The following NEBL variants were observed in gnomAD, a reference collection of about 807,000 sequenced individuals.
The protein encoded by NEBL is LIM and SH3 protein 2.
NEBL carries 122 observed loss-of-function variants against 140.2 expected under a neutral mutation model. The ratio of observed to expected loss-of-function variants is 0.87; its 90% CI spans 0.75 to 1.01. The LOEUF (loss-of-function observed/expected upper bound fraction) is 1.01, where lower values mean the gene tolerates loss of function less well. NEBL is among the 50% of genes least tolerant of loss of function. The pLI is 0.00. For missense variants in NEBL, 1,365 were observed against 1,231.3 expected, an observed-to-expected ratio of 1.11 and a Z score of -1.62; for synonymous variants, 436 against 398.9, an observed-to-expected ratio of 1.09 and a Z score of -1.11.
upstream of NEBL, among the ~76,000 whole-genome samples, chr10:20,902,011 T>C (rs1358129651): frequency 6.6e-6 from 1 of 152,208 alleles, no homozygotes; most frequent in Non-Finnish European, 1.5e-5. Context: ...ACATATTTTC[T>C]CCTTTTTAAT....
chr10:20,814,238 TA>T (rs980229253), intron 22 of NEBL, among the ~76,000 whole-genome samples, 195 bp from the exon 23 acceptor site: 41 of 152,218 alleles, frequency 2.7e-4, no homozygotes, highest in African/African-American at 9.9e-4. Flanking sequence ...CGCCTACTGC[TA>T]AATGACCTAA....
chr10:20,923,686 A>G (rs1269867021), intron 4 of NEBL, among the ~76,000 whole-genome samples: 11 of 147,858 alleles, frequency 7.4e-5, no homozygotes, highest in Admixed American at 7.4e-4. Flanking sequence ...AAAAAAAAAA[A>G]AAAAAAAAAA....
At chr10:21,284,365 G>A (rs949806190) in intron 1 of NEBL, among the ~76,000 whole-genome samples, 13 of 152,058 alleles carry the variant, frequency 8.5e-5, no homozygotes, top group African/African-American at 2.4e-4. Flanking sequence ...CCTGATCACC[G>A]TCCCAACTTG....
intron 2 of NEBL, among the ~76,000 whole-genome samples, chr10:21,067,110 C>A (rs12572902): frequency 1.3e-5 from 2 of 150,850 alleles, no homozygotes; most frequent in African/African-American, 4.9e-5. Context: ...GTAGCTGGGA[C>A]TACAGGCGCC....
At chr10:21,249,709 C>A (rs755141094) in intron 2 of NEBL, among the ~76,000 whole-genome samples, 1 of 149,984 alleles carries the variant, frequency 6.7e-6, no homozygotes, top group African/African-American at 2.5e-5. Flanking sequence ...CTTTAAAAAG[C>A]TCTTTAAGTG....
chr10:21,079,554 G>C (rs1012890576), intron 2 of NEBL, among the ~76,000 whole-genome samples: 1 of 152,132 alleles, frequency 6.6e-6, no homozygotes, highest in African/African-American at 2.4e-5. Flanking sequence ...CCTTCAGAGG[G>C]CTTTATAAAA....
intron 4 of NEBL, among the ~76,000 whole-genome samples, chr10:20,937,024 T>C (rs1192521998): frequency 6.6e-6 from 1 of 152,214 alleles, no homozygotes; most frequent in African/African-American, 2.4e-5. Flanking sequence ...ACCACCACTT[T>C]GCTTTCGATG....
chr10:21,174,164 G>C (rs1008695205), exon 1 of NEBL: 5 of 467,254 alleles, frequency 1.1e-5, no homozygotes, highest in African/African-American at 1.1e-4. Flanking sequence ...TCGCTCCCCC[G>C]CCTCGCCGCC....
chr10:21,041,362 G>T (rs1234993781), intron 2 of NEBL, among the ~76,000 whole-genome samples: 1 of 152,134 alleles, frequency 6.6e-6, no homozygotes, highest in Non-Finnish European at 1.5e-5. Context: ...TCAAAAGCTT[G>T]CAAAGCCACT....
intron 2 of NEBL, among the ~76,000 whole-genome samples, chr10:21,099,510 A>G (rs1772650413): frequency 6.6e-6 from 1 of 151,420 alleles, no homozygotes; most frequent in Non-Finnish European, 1.5e-5. Flanking sequence ...CCCAACCACC[A>G]CCCCTTTCAA....
At chr10:20,856,797 T>A (rs1408964232) in intron 9 of NEBL, among the ~76,000 whole-genome samples, 4 of 152,006 alleles carry the variant, frequency 2.6e-5, no homozygotes, top group African/African-American at 9.7e-5. Flanking sequence ...GACCAATGAT[T>A]AAAAAAATAA....
rs536641502 is a variant in NEBL at position 20,808,787 on chromosome 10, G to C, written c.2612-128C>G. 235 of 1,021,230 alleles carry C rather than the reference G, an allele frequency of 2.3e-4. 1 individual carries two copies. The highest frequency in any genetic ancestry group is 2.8e-4 in the Non-Finnish European group (187 of 664,110). 63.3% of individuals were successfully genotyped at this position (1,021,230 alleles called of 1,614,324 possible). The stretch of plus-strand genomic sequence containing the variant: ...TAGTAAAGAATAACTCAAAATCTCA[G>C]CGCTAGGCACCTATTCCCAAACTTC... On this transcript the variant is annotated intron_variant, in intron 25 of 27. Coordinates refer to ENST00000377122, the MANE Select transcript of NEBL (RefSeq NM_006393.3).
intron 3 of NEBL, among the ~76,000 whole-genome samples, chr10:21,208,614 AGGGATCTACTTCC>A (rs1360735087): frequency 6.6e-6 from 1 of 152,202 alleles, no homozygotes; most frequent in Non-Finnish European, 1.5e-5. Flanking sequence ...ATGAAATGAG[AGGGATCTACTTCC>A]AGAAGTCACC....
intron 3 of NEBL, among the ~76,000 whole-genome samples, chr10:21,189,688 T>C (rs904789396): frequency 6.6e-5 from 10 of 151,980 alleles, no homozygotes; most frequent in Admixed American, 2.6e-4. Context: ...AGGATGGTCT[T>C]GATCTCCTGA....
At chr10:20,941,040 T>A (rs7392984) in intron 4 of NEBL, among the ~76,000 whole-genome samples, 1 of 152,116 alleles carries the variant, frequency 6.6e-6, no homozygotes, top group Non-Finnish European at 1.5e-5. Context: ...CTTCTGAAAC[T>A]ATTCCAATCA....
chr10:20,869,980 T>C, intron 5 of NEBL, 139 bp from the exon 6 acceptor site: 2 of 680,544 alleles, frequency 2.9e-6, no homozygotes, highest in Non-Finnish European at 5.3e-6. Context: ...TTTTTGTGCA[T>C]CTATTTGTAT....
chr10:20,949,312 C>A (rs748382681), intron 4 of NEBL, among the ~76,000 whole-genome samples: 1 of 151,950 alleles, frequency 6.6e-6, no homozygotes, highest in African/African-American at 2.4e-5. Flanking sequence ...GGGGGAAAAG[C>A]GGAGGAAGAG....
chr10:21,158,575 C>T (rs1405481859), intron 2 of NEBL, among the ~76,000 whole-genome samples: 2 of 152,200 alleles, frequency 1.3e-5, no homozygotes, highest in Non-Finnish European at 2.9e-5. Flanking sequence ...GGTCCCTTCA[C>T]TCCCCCACCA....
At chr10:20,917,291 T>G (rs1833350691) in intron 4 of NEBL, among the ~76,000 whole-genome samples, 1 of 152,206 alleles carries the variant, frequency 6.6e-6, no homozygotes, top group Admixed American at 6.5e-5. Context: ...AATATTGTAT[T>G]TTCACATTAG....
Sources: gnomAD v4.1 joint callset for allele counts (sites outside exome capture counted in the v4.1 genomes callset) on GRCh38, gnomAD v4.1.1 for gene constraint, MANE v1.5 for transcripts, NCBI Gene and HGNC (gene_info 2026-07-23, HGNC 2026-07-21) for gene names.